TAOK3: variants seen among roughly 807,000 people sequenced by gnomAD.
TAOK3 encodes the protein serine/threonine-protein kinase TAO3.
TAOK3 carries 40 observed loss-of-function variants against 120.4 expected under a neutral mutation model. That is an observed-to-expected ratio of 0.33 (90% CI 0.26 to 0.43). The LOEUF (loss-of-function observed/expected upper bound fraction) is 0.43, where lower values mean the gene tolerates loss of function less well. Ranked by LOEUF, TAOK3 falls within the 20% of genes least tolerant of loss-of-function variation. TAOK3 has a pLI of 1.00. For missense variants in TAOK3, 821 were observed against 1,112.1 expected, an observed-to-expected ratio of 0.74 and a Z score of 3.72; for synonymous variants, 355 against 387.5, an observed-to-expected ratio of 0.92 and a Z score of 0.99.
chr12:118,261,104 G>C (rs1021875401), intron 2 of TAOK3, among the ~76,000 whole-genome samples: 1 of 152,064 alleles, frequency 6.6e-6, no homozygotes, highest in African/African-American at 2.4e-5. Flanking sequence ...CACAACAACA[G>C]GAACTATCCA....
chr12:118,184,817 T>C (rs1396772852), intron 14 of TAOK3, among the ~76,000 whole-genome samples: 1 of 152,194 alleles, frequency 6.6e-6, no homozygotes, highest in African/African-American at 2.4e-5. Context: ...CTCATCTATC[T>C]CTTACTATAT....
chr12:118,211,318 G>A (rs970887524), intron 11 of TAOK3, among the ~76,000 whole-genome samples: 4 of 151,902 alleles, frequency 2.6e-5, no homozygotes, highest in African/African-American at 4.8e-5. Flanking sequence ...AGGAATAATC[G>A]GTTGGCATAT....
intron 1 of TAOK3, among the ~76,000 whole-genome samples, chr12:118,301,841 CAAAAAAAAAA>C (rs777882071): frequency 1.4e-5 from 1 of 69,078 alleles, no homozygotes; most frequent in Admixed American, 1.6e-4. Flanking sequence ...GACTCCATCT[CAAAAAAAAAA>C]AAAAAAAAAA....
intron 1 of TAOK3, among the ~76,000 whole-genome samples, chr12:118,351,905 CCT>C (rs2045180600): frequency 7.2e-6 from 1 of 139,448 alleles, no homozygotes; most frequent in Non-Finnish European, 1.5e-5. Context: ...GCGGAGTCTC[CCT>C]CTTTCACCCA....
At chr12:118,228,625 A>G (rs1403352611) in intron 9 of TAOK3, among the ~76,000 whole-genome samples, 2 of 152,212 alleles carry the variant, frequency 1.3e-5, no homozygotes, top group East Asian at 3.8e-4. Context: ...ACTATGATAC[A>G]GTATTCCATA....
At position 118,161,024 on chromosome 12, in the gene TAOK3, G is replaced by C. The variant is rs1423546651; in HGVS notation, c.2140-666C>G. ...GAGAAGGTAGAGTATATTATTTTGA[G>C]CCCAGAAGGCATTCCATCAGGTTGC... On this transcript the variant is annotated intron_variant, in intron 18 of 20. Coordinates refer to ENST00000392533, the MANE Select transcript of TAOK3 (RefSeq NM_016281.4). This position sits in a 1 kb window ranked among gnomAD's most constrained non-coding sequence, Gnocchi z 4.5. 6.6e-6 allele frequency among the ~76,000 whole-genome samples: 1 copy of C among 152,200 alleles called. No homozygotes were observed. The highest frequency in any genetic ancestry group is 6.5e-5 in the Admixed American group (1 of 15,276).
chr12:118,217,864 C>A (rs1228909474), intron 9 of TAOK3, among the ~76,000 whole-genome samples: 10 of 40,698 alleles, frequency 2.5e-4, no homozygotes, highest in Admixed American at 4.0e-4. Flanking sequence ...TATATATACA[C>A]TTTTTTTTTT....
intron 20 of TAOK3, 86 bp from the exon 21 acceptor site, chr12:118,151,244 T>A: frequency 7.1e-7 from 1 of 1,402,488 alleles, no homozygotes; most frequent in Non-Finnish European, 9.8e-7. Flanking sequence ...GGCACACATA[T>A]GACATGCACA....
chr12:118,339,775 A>G (rs1175601490), intron 1 of TAOK3, among the ~76,000 whole-genome samples: 2 of 151,834 alleles, frequency 1.3e-5, no homozygotes, highest in African/African-American at 2.4e-5. Context: ...TGGCCAGGAT[A>G]GTCCCGCCTC....
At chr12:118,152,522 C>T (rs1211186772) in intron 19 of TAOK3, 113 bp from the exon 20 acceptor site, 3 of 1,128,660 alleles carry the variant, frequency 2.7e-6, no homozygotes, top group Non-Finnish European at 3.7e-6. Context: ...AAATTGGTTG[C>T]CCCCTCAAAA....
chr12:118,159,616 T>C (rs1261144010), intron 19 of TAOK3, among the ~76,000 whole-genome samples: 1 of 152,188 alleles, frequency 6.6e-6, no homozygotes, highest in Non-Finnish European at 1.5e-5. Flanking sequence ...TACCATGTTT[T>C]ACTATTACTG....
At chr12:118,268,057 C>T (rs1287695743) in intron 1 of TAOK3, among the ~76,000 whole-genome samples, 1 of 152,106 alleles carries the variant, frequency 6.6e-6, no homozygotes, top group Non-Finnish European at 1.5e-5. Flanking sequence ...TTTTATCTAA[C>T]TCTATGACTA....
At chr12:118,353,337 G>A (rs1359087672) in intron 1 of TAOK3, among the ~76,000 whole-genome samples, 1 of 152,170 alleles carries the variant, frequency 6.6e-6, no homozygotes, top group Non-Finnish European at 1.5e-5. Flanking sequence ...GAAGCTCCAA[G>A]CAAGGGCTTT....
At chr12:118,332,710 G>A (rs1391248346) in intron 1 of TAOK3, among the ~76,000 whole-genome samples, 1 of 152,148 alleles carries the variant, frequency 6.6e-6, no homozygotes, top group East Asian at 1.9e-4. Context: ...AGTCTCTTAC[G>A]CAATGGTGTG....
chr12:118,251,343 C>T (rs1490769273), intron 3 of TAOK3, among the ~76,000 whole-genome samples: 2 of 152,168 alleles, frequency 1.3e-5, no homozygotes, highest in Non-Finnish European at 2.9e-5. Context: ...CCCATGTGAC[C>T]ACTACAGATA....
At chr12:118,351,721 C>T (rs1310292612) in intron 1 of TAOK3, among the ~76,000 whole-genome samples, 1 of 151,950 alleles carries the variant, frequency 6.6e-6, no homozygotes, top group Non-Finnish European at 1.5e-5. Context: ...ATGGAATTCC[C>T]TAATAGTTTT....
At chr12:118,292,503 A>G (rs1361002409) in intron 1 of TAOK3, among the ~76,000 whole-genome samples, 1 of 152,164 alleles carries the variant, frequency 6.6e-6, no homozygotes, top group Admixed American at 6.5e-5. Context: ...GGCACTGTAC[A>G]TTATCTCATT....
At chr12:118,164,151 T>C (rs2035420361) in intron 17 of TAOK3, among the ~76,000 whole-genome samples, 1 of 150,748 alleles carries the variant, frequency 6.6e-6, no homozygotes. Context: ...TGAAACCCCG[T>C]CTCCACTTAA....
chr12:118,204,868 A>G (rs2038212457), intron 11 of TAOK3, among the ~76,000 whole-genome samples: 1 of 151,908 alleles, frequency 6.6e-6, no homozygotes, highest in Admixed American at 6.6e-5. Context: ...CATCTCTACT[A>G]AAAACACCAA....
Sources: gnomAD v4.1 joint callset for allele counts (sites outside exome capture counted in the v4.1 genomes callset) on GRCh38, gnomAD v4.1.1 for gene constraint, Gnocchi (gnomAD v3.1) non-coding constraint, MANE v1.5 for transcripts, NCBI Gene and HGNC (gene_info 2026-07-23, HGNC 2026-07-21) for gene names.